Variants in COL17A1 observed in about 807,000 individuals in gnomAD.
COL17A1 encodes collagen alpha-1(XVII) chain.
COL17A1 carries 181 observed loss-of-function variants against 218.4 expected under a neutral mutation model. The ratio of observed to expected loss-of-function variants is 0.83; its 90% confidence interval spans 0.73 to 0.94. The LOEUF (loss-of-function observed/expected upper bound fraction) is 0.94. Ranked by LOEUF, COL17A1 falls within the 40% of genes least tolerant of loss-of-function variation. COL17A1 has a pLI of 0.00. For missense variants in COL17A1, 1,924 were observed against 1,945.9 expected (o/e 0.99, Z 0.21); for synonymous variants, 721 against 731.0 (o/e 0.99, Z 0.22).
rs2086453789 is a variant in COL17A1, at chr10:104,050,130, G to A, written c.2129-6C>T. On this transcript the variant is annotated splice_polypyrimidine_tract_variant and splice_region_variant and intron_variant, in intron 27 of 55. Coordinates refer to ENST00000648076, the MANE Select transcript of COL17A1 (RefSeq NM_000494.4). ...TCCTTTCTCACCCTGGTCACCTAAA[G>A]CAAACAAGGGGGAGGTGGAAAAAGC... 1.9e-6 allele frequency: 3 copies of A among 1,613,942 alleles called. No individual in the cohort carries two copies. Among genetic ancestry groups the A allele is most frequent in the Admixed American group, 1.7e-5 (1 of 59,984 alleles).
chr10:104,085,481 G>A (rs2086798548), intron 1 of COL17A1, among the ~76,000 whole-genome samples: 1 of 152,128 alleles, frequency 6.6e-6, no homozygotes, highest in East Asian at 1.9e-4. Context: ...TCTAAAGCCC[G>A]CTATATTTTA....
rs143263539 is a variant in COL17A1 at position 104,055,978 on chromosome 10, C to T, written c.1491G>A (p.Ala497=). The T allele has an allele frequency of 1.8e-5, 29 of 1,614,090 alleles. No homozygotes were observed. The highest frequency in any genetic ancestry group is 4.0e-5 in the African/African-American group (3 of 74,936). Residue 497 remains alanine (A), a synonymous_variant, in exon 18 of 56, where the codon GCG becomes GCA. Coordinates refer to ENST00000648076, the MANE Select transcript of COL17A1 (RefSeq NM_000494.4). ...ALAEEVRKLK[A]RVDELERIRR... The stretch of plus-strand genomic sequence containing the variant: ...TGATCCTCTCCAGCTCATCCACACG[C>T]GCCTTCAGCTTCCTCACCTCCTCCG...
At chr10:104,037,861 G>A (rs2086316531) in intron 45 of COL17A1, 88 bp from the exon 46 acceptor site, 2 of 1,508,330 alleles carry the variant, frequency 1.3e-6, no homozygotes, top group Non-Finnish European at 1.8e-6. Context: ...ATGATAACAT[G>A]CCTGCCCCGC....
intron 50 of COL17A1, 31 bp from the exon 51 acceptor site, chr10:104,034,798 G>A (rs1253215660): frequency 1.2e-6 from 2 of 1,607,122 alleles, no homozygotes; most frequent in South Asian, 1.1e-5. Flanking sequence ...GAAAGGTCGG[G>A]GTAGTGCTGC....
chr10:104,067,732 A>G (rs1282158167), intron 9 of COL17A1, among the ~76,000 whole-genome samples: 1 of 152,202 alleles, frequency 6.6e-6, no homozygotes, highest in Non-Finnish European at 1.5e-5. Context: ...ACAGTGTGAG[A>G]GAGCTAATGT....
chr10:104,035,243 C>T lies in COL17A1; in HGVS notation c.3619+20G>A, dbSNP rs1261287565. 5 of 1,601,774 alleles carry T rather than the reference C, an allele frequency of 3.1e-6. No individual in the cohort carries two copies. The highest frequency in any genetic ancestry group is 4.3e-6 in the Non-Finnish European group (5 of 1,171,340). ...CGGCTGCATCCCCTGCCCTCCCCATCCCACTCCACAGTGCCCTACTATGTA... is the reference window on the plus strand; with the variant it reads ...CGGCTGCATCCCCTGCCCTCCCCATTCCACTCCACAGTGCCCTACTATGTA... On this transcript the variant is annotated intron_variant, in intron 50 of 55. Transcript: ENST00000648076.
intron 9 of COL17A1, among the ~76,000 whole-genome samples, chr10:104,069,475 T>C (rs2086652574): frequency 6.6e-6 from 1 of 152,122 alleles, no homozygotes; most frequent in Non-Finnish European, 1.5e-5. Context: ...AGTCAAATTC[T>C]CAAAAAGCAT....
Position 104,053,995 on chromosome 10 carries a change from A to G in COL17A1, c.1772-13T>C. The G allele has an allele frequency of 6.2e-7, 1 of 1,612,088 alleles. No individual in the cohort carries two copies. The highest frequency in any genetic ancestry group is 8.5e-7 in the Non-Finnish European group (1 of 1,178,110). On this transcript the variant is annotated splice_polypyrimidine_tract_variant and intron_variant, in intron 21 of 55. Coordinates refer to ENST00000648076, the MANE Select transcript of COL17A1 (RefSeq NM_000494.4). ...GGCCCAGGGATACCTGTGAACACAC[A>G]AGGATATCTCAGCCCCTGTTTTCCT...
Position 104,054,969 on chromosome 10 carries a change from T to G in COL17A1, c.1744+12A>C. The G allele has an allele frequency of 6.2e-7, 1 of 1,614,164 alleles. No homozygotes were observed. Among genetic ancestry groups the G allele is most frequent in the Non-Finnish European group, 8.5e-7 (1 of 1,180,010 alleles). ...CTAATATTTAAGGTAAAAATGCCCA[T>G]GTTATAATTACCTTTAGGGCCTGGA... On this transcript the variant is annotated intron_variant, in intron 20 of 55. Transcript: ENST00000648076.
rs780344835 is a variant in COL17A1 at position 104,062,298 on chromosome 10, G to T, written c.870C>A (p.Ser290Arg). Residue 290 changes from serine (S) to arginine (R), a missense_variant, in exon 12 of 56, where the codon AGC (serine) becomes AGA (arginine). Coordinates refer to ENST00000648076, the MANE Select transcript of COL17A1 (RefSeq NM_000494.4). ...TGGTGCCATGGGACAGGGTGGTCAA[G>T]CTGGGGGCCAGATTGTTCTGCATGC... ...VFGMQNNLAP[S>R]LTTLSHGTTT... 6.2e-7 allele frequency: 1 copy of T among 1,614,228 alleles called. No homozygotes were observed. Among genetic ancestry groups the T allele is most frequent in the South Asian group, 1.1e-5 (1 of 91,088 alleles).
intron 48 of COL17A1, among the ~76,000 whole-genome samples, chr10:104,036,211 A>G: frequency 8.2e-5 from 1 of 12,208 alleles, no homozygotes; most frequent in Admixed American, 9.0e-4. Flanking sequence ...TGGGAGTGTG[A>G]GTATGGGTGT....
chr10:104,078,330 G>T (rs76462814), intron 3 of COL17A1, among the ~76,000 whole-genome samples: 1 of 152,138 alleles, frequency 6.6e-6, no homozygotes, highest in East Asian at 1.9e-4. Context: ...TCTAAAATTG[G>T]ACTGTAACCA....
intron 8 of COL17A1, among the ~76,000 whole-genome samples, chr10:104,071,267 G>T (rs370782190): frequency 6.6e-6 from 1 of 151,986 alleles, no homozygotes; most frequent in Non-Finnish European, 1.5e-5. Flanking sequence ...AACTCCCTTC[G>T]CCTCACCACC....
chr10:104,077,040 A>T (rs183134623), intron 4 of COL17A1, among the ~76,000 whole-genome samples: 7 of 152,126 alleles, frequency 4.6e-5, no homozygotes, highest in Admixed American at 4.6e-4. Flanking sequence ...CAAATTGTAA[A>T]CCCTCAGGCG....
chr10:104,059,718 G>A lies in COL17A1; in HGVS notation c.1142C>T (p.Thr381Ile). Residue 381 changes from threonine to isoleucine, a missense_variant and splice_region_variant, in exon 15 of 56, where the codon ACT becomes ATT. Transcript: ENST00000648076. ...TTTTAGGGTGTCTTCTGAAAAAGAA[G>A]CTATGTACAGAACCCATTATAACCT... is the stretch of plus-strand genomic sequence containing the variant. Reference protein sequence around the residue: ...FTASPASIAATSFSEDTLKKE... With the variant: ...FTASPASIAAISFSEDTLKKE... The A allele has an allele frequency of 6.2e-7, 1 of 1,613,970 alleles. No homozygotes were observed. The highest frequency in any genetic ancestry group is 8.5e-7 in the Non-Finnish European group (1 of 1,179,862).
In COL17A1 at chr10:104,061,437, G is replaced by T; in HGVS notation, c.947C>A (p.Ala316Glu). The change falls in exon 13 of 56, where the codon GCG (alanine) becomes GAG (glutamate). Residue 316 changes from alanine (A) to glutamate (E), a missense_variant. Coordinates refer to ENST00000648076, the MANE Select transcript of COL17A1 (RefSeq NM_000494.4). ...GGTGGAAACGCCAGTGTTCACAGCC[G>T]CAGGACTCTGGGGCATGTTTTTCTT... ...GVKKNMPQSP[A>E]AVNTGVSTSA... is the part of the protein sequence containing the mutation. 6.2e-7 allele frequency: 1 copy of T among 1,613,590 alleles called. No individual in the cohort carries two copies. Among genetic ancestry groups the T allele is most frequent in the Non-Finnish European group, 8.5e-7 (1 of 1,179,904 alleles).
chr10:104,065,786 G>T (rs1351451736), intron 9 of COL17A1, among the ~76,000 whole-genome samples: 1 of 152,222 alleles, frequency 6.6e-6, no homozygotes, highest in Non-Finnish European at 1.5e-5. Context: ...GGTGCTCAGT[G>T]CTTTTCAAGG....
chr10:104,066,859 A>G (rs754012139), intron 9 of COL17A1, among the ~76,000 whole-genome samples: 8 of 152,246 alleles, frequency 5.3e-5, no homozygotes, highest in Non-Finnish European at 8.8e-5. Flanking sequence ...CCTCTTAGAG[A>G]AGTCCCTATG....
intron 40 of COL17A1, 40 bp downstream of exon 40, chr10:104,040,311 C>T (rs912023795): frequency 7.1e-7 from 1 of 1,406,636 alleles, no homozygotes; most frequent in Non-Finnish European, 1.0e-6. Context: ...AAACAGAGGA[C>T]ACATACTGGC....
Sources: gnomAD v4.1 joint callset for allele counts (sites outside exome capture counted in the v4.1 genomes callset) on GRCh38, gnomAD v4.1.1 for gene constraint, MANE v1.5 for transcripts, NCBI Gene and HGNC (gene_info 2026-07-23, HGNC 2026-07-21) for gene names.